The following ID2 variants were observed in gnomAD, a reference collection of about 807,000 sequenced individuals.
ID2 encodes the protein DNA-binding protein inhibitor ID-2.
ID2 carries 2 observed loss-of-function variants against 8.3 expected under a neutral mutation model. The ratio of observed to expected loss-of-function variants is 0.24; its 90% confidence interval spans 0.10 to 0.76. The LOEUF (loss-of-function observed/expected upper bound fraction) is 0.76, where lower values mean the gene tolerates loss of function less well. ID2 is among the 30% of genes least tolerant of loss of function. The pLI is 0.73. For missense variants in ID2, 155 were observed against 167.0 expected, an observed-to-expected ratio of 0.93 and a Z score of 0.40; for synonymous variants, 112 against 72.3, an observed-to-expected ratio of 1.55 and a Z score of -2.79.
In ID2 at chr2:8,682,255, C is replaced by A; in HGVS notation, c.90C>A (p.Asp30Glu). The change falls in exon 1 of 3, where the codon GAC (aspartate) becomes GAA (glutamate). Residue 30 changes from aspartate to glutamate, a missense_variant. By Grantham distance (45) the Asp-to-Glu change is conservative. Transcript: ENST00000396290. ...LGISRSKTPV[D>E]DPMSLLYNMN... ...TCTCCCGGAGCAAAACCCCTGTGGA[C>A]GACCCGATGAGCCTGCTATACAACA... 1 of 1,614,112 alleles carries A rather than the reference C, an allele frequency of 6.2e-7. No homozygotes were observed. The highest frequency in any genetic ancestry group is 1.7e-5 in the Admixed American group (1 of 60,030).
chr2:8,683,146 C>A, intron 2 of ID2: 1 of 556,136 alleles, frequency 1.8e-6, no homozygotes, highest in Non-Finnish European at 3.2e-6. Context: ...ACTACGAAGG[C>A]GGCCGAGGAA....
Position 8,682,162 on chromosome 2 carries a change from C to A in ID2, c.-4C>A, listed in dbSNP as rs751058126. 6.2e-7 allele frequency: 1 copy of A among 1,609,526 alleles called. No homozygotes were observed. Among genetic ancestry groups the A allele is most frequent in the South Asian group, 1.1e-5 (1 of 91,006 alleles). ...TCCCGGTCTCGCCTTCCCTCGCGGT[C>A]AGCATGAAAGCCTTCAGTCCCGTGA... On this transcript the variant is annotated 5_prime_UTR_variant, in exon 1 of 3. Transcript: ENST00000396290.
At position 8,682,154 on chromosome 2, in the gene ID2, C is replaced by T. The variant is rs371697958; in HGVS notation, c.-12C>T. ...CAGCTCCCTCCCGGTCTCGCCTTCC[C>T]TCGCGGTCAGCATGAAAGCCTTCAG... is the stretch of plus-strand genomic sequence containing the variant. On this transcript the variant is annotated 5_prime_UTR_variant, in exon 1 of 3. Coordinates refer to ENST00000396290, the MANE Select transcript of ID2 (RefSeq NM_002166.5). 53 of 1,607,944 alleles carry T rather than the reference C, an allele frequency of 3.3e-5. 1 individual carries two copies. In the Admixed American group the frequency reaches 5.5e-4, roughly 17 times the overall value.
At chr2:8,683,045 C>T (rs1206423979) in intron 2 of ID2, 139 bp downstream of exon 2, 22 of 713,412 alleles carry the variant, frequency 3.1e-5, no homozygotes, top group East Asian at 1.3e-4. Flanking sequence ...ACCCGTACTA[C>T]ATTGTCTCAC....
chr2:8,682,266 G>A lies in ID2; in HGVS notation c.101G>A (p.Ser34Asn), dbSNP rs1166109476. Residue 34 changes from serine to asparagine, a missense_variant, in exon 1 of 3, where the codon AGC (serine) becomes AAC (asparagine). By Grantham distance (46) the Ser-to-Asn change is conservative. This residue lies in a region of ID2 where 73 missense variants were observed against 72.2 expected (regional missense o/e 1.01). Coordinates refer to ENST00000396290, the MANE Select transcript of ID2 (RefSeq NM_002166.5). ...AAAACCCCTGTGGACGACCCGATGA[G>A]CCTGCTATACAACATGAACGACTGC... is the stretch of plus-strand genomic sequence containing the variant. ...RSKTPVDDPM[S>N]LLYNMNDCYS... is the part of the protein sequence containing the mutation. 3 of 1,614,154 alleles carry A rather than the reference G, an allele frequency of 1.9e-6. No individual in the cohort carries two copies. Among genetic ancestry groups the A allele is most frequent in the Non-Finnish European group, 2.5e-6 (3 of 1,180,036 alleles).
At chr2:8,682,762 CAAAAAAAAAAAAAA>C in intron 1 of ID2, 67 bp from the exon 2 acceptor site, 13 of 742,006 alleles carry the variant, frequency 1.8e-5, no homozygotes, top group South Asian at 3.2e-5. Flanking sequence ...CTGTGGACTA[CAAAAAAAAAAAAAA>C]AAAAAAAAAA....
Position 8,682,278 on chromosome 2 carries a change from A to C in ID2, c.113A>C (p.Asn38Thr). 1 of 1,614,140 alleles carries C rather than the reference A, an allele frequency of 6.2e-7. No individual in the cohort carries two copies. The highest frequency in any genetic ancestry group is 8.5e-7 in the Non-Finnish European group (1 of 1,180,012). The change falls in exon 1 of 3, where the codon AAC (asparagine) becomes ACC (threonine). Residue 38 changes from asparagine to threonine, a missense_variant. By Grantham distance (65) the Asn-to-Thr change is moderately conservative. This residue lies in a region of ID2 where 73 missense variants were observed against 72.2 expected (regional missense o/e 1.01). Transcript: ENST00000396290. Reference protein sequence around the residue: ...PVDDPMSLLYNMNDCYSKLKE... With the variant: ...PVDDPMSLLYTMNDCYSKLKE... ...GACGACCCGATGAGCCTGCTATACA[A>C]CATGAACGACTGCTACTCCAAGCTC...
rs562872744 is a variant in ID2 at position 8,682,071 on chromosome 2, C to T, written c.-95C>T. The T allele has an allele frequency of 9.2e-6, 9 of 977,808 alleles. No individual in the cohort carries two copies. The highest frequency in any genetic ancestry group is 3.0e-5 in the South Asian group (2 of 67,326). 60.6% of individuals were successfully genotyped at this position (977,808 alleles called of 1,614,324 possible). A position where few individuals can be genotyped will look rare whatever the true frequency, so the allele number is the denominator to read the frequency against. On this transcript the variant is annotated 5_prime_UTR_variant, in exon 1 of 3. Transcript: ENST00000396290. The stretch of plus-strand genomic sequence containing the variant: ...CTCGGGCTTCATTCTGAGCCGAGCC[C>T]GGTGCCAAGCGCAGCTAGCTCAGCA...
chr2:8,682,612 T>G, intron 1 of ID2, 99 bp downstream of exon 1: 1 of 865,818 alleles, frequency 1.2e-6, no homozygotes, highest in Non-Finnish European at 1.8e-6. Context: ...GACTTTCGTA[T>G]GAGCTATTTA....
At chr2:8,682,710 T>A (rs1307364083) in intron 1 of ID2, 133 bp from the exon 2 acceptor site, 2 of 776,092 alleles carry the variant, frequency 2.6e-6, no homozygotes, top group African/African-American at 3.5e-5. Flanking sequence ...TGTCTTTAAA[T>A]CTGAATTGTT....
intron 2 of ID2, among the ~76,000 whole-genome samples, chr2:8,683,479 G>A (rs1662152044): frequency 6.6e-6 from 1 of 152,204 alleles, no homozygotes; most frequent in African/African-American, 2.4e-5. Flanking sequence ...GGGTTGGGAA[G>A]TTTTTCCCTT....
Position 8,682,082 on chromosome 2 carries a change from G to C in ID2, c.-84G>C, listed in dbSNP as rs1207369472. The stretch of plus-strand genomic sequence containing the variant: ...TTCTGAGCCGAGCCCGGTGCCAAGC[G>C]CAGCTAGCTCAGCAGGCGGCAGCGG... On this transcript the variant is annotated 5_prime_UTR_variant, in exon 1 of 3. Transcript: ENST00000396290. The C allele has an allele frequency of 5.4e-6, 6 of 1,115,622 alleles. No individual in the cohort carries two copies. The highest frequency in any genetic ancestry group is 4.7e-5 in the East Asian group (2 of 42,208). The allele number at this position is 1,115,622 out of a possible 1,614,324, so 69.1% of individuals were successfully genotyped here. A position where few individuals can be genotyped will look rare whatever the true frequency, so the allele number is the denominator to read the frequency against.
chr2:8,682,651 A>G (rs983600475), intron 1 of ID2, 138 bp downstream of exon 1: 3 of 726,856 alleles, frequency 4.1e-6, no homozygotes, highest in Non-Finnish European at 6.8e-6. Flanking sequence ...TCTGCTGTAG[A>G]TTGAGCTGTG....
chr2:8,682,762 C>CAAAAA (rs373887089), intron 1 of ID2, 81 bp from the exon 2 acceptor site: 39 of 746,734 alleles, frequency 5.2e-5, no homozygotes, highest in South Asian at 8.1e-5. Context: ...CTGTGGACTA[C>CAAAAA]AAAAAAAAAA....
chr2:8,682,921 G>T lies in ID2; in HGVS notation c.*7+15G>T, dbSNP rs564886395. 21 of 1,608,512 alleles carry T rather than the reference G, an allele frequency of 1.3e-5. No homozygotes were observed. Among genetic ancestry groups the T allele is most frequent in the Non-Finnish European group, 1.7e-5 (20 of 1,174,890 alleles). On this transcript the variant is annotated intron_variant, in intron 2 of 2. Coordinates refer to ENST00000396290, the MANE Select transcript of ID2 (RefSeq NM_002166.5). The stretch of plus-strand genomic sequence containing the variant: ...CTGAATAAGCGGTGAGTGTTTGCTT[G>T]TGCCACCCGTGGGTAAACTGCCCCT...
intron 1 of ID2, 162 bp downstream of exon 1, chr2:8,682,675 G>T (rs983538102): frequency 2.7e-5 from 19 of 704,746 alleles, no homozygotes; most frequent in Non-Finnish European, 4.3e-5. Context: ...GAAATTGCTA[G>T]TAAGTTCTGA....
chr2:8,682,100 G>A lies in ID2; in HGVS notation c.-66G>A, dbSNP rs1662089739. 1 of 1,297,600 alleles carries A rather than the reference G, an allele frequency of 7.7e-7. No homozygotes were observed. Among genetic ancestry groups the A allele is most frequent in the Non-Finnish European group, 1.1e-6 (1 of 917,334 alleles). The allele number at this position is 1,297,600 out of a possible 1,614,324, so 80.4% of individuals were successfully genotyped here. On this transcript the variant is annotated 5_prime_UTR_variant, in exon 1 of 3. Transcript: ENST00000396290. ...GCCAAGCGCAGCTAGCTCAGCAGGC[G>A]GCAGCGGCGGCCTGAGCTTCAGGGC... is the stretch of plus-strand genomic sequence containing the variant.
At chr2:8,683,124 TG>T (rs1558273356) in intron 2 of ID2, 1 of 579,594 alleles carries the variant, frequency 1.7e-6, no homozygotes, top group Admixed American at 3.0e-5. Flanking sequence ...AAGGAAATGA[TG>T]CCAATAACTT....
In ID2 at chr2:8,682,204, C is replaced by T; in HGVS notation, c.39C>T (p.Asn13=). ...AFSPVRSVRK[N]SLSDHSLGIS... is the part of the protein sequence containing the mutation. Reference sequence around the variant, plus strand: ...GTCCCGTGAGGTCCGTTAGGAAAAACAGCCTGTCGGACCACAGCCTGGGCA... The same window carrying T: ...GTCCCGTGAGGTCCGTTAGGAAAAATAGCCTGTCGGACCACAGCCTGGGCA... The change falls in exon 1 of 3, where the codon AAC becomes AAT. Residue 13 remains asparagine, a synonymous_variant. Coordinates refer to ENST00000396290, the MANE Select transcript of ID2 (RefSeq NM_002166.5). The T allele has an allele frequency of 6.2e-7, 1 of 1,613,944 alleles. No individual in the cohort carries two copies. The highest frequency in any genetic ancestry group is 1.1e-5 in the South Asian group (1 of 91,084).
Sources: gnomAD v4.1 joint callset for allele counts (sites outside exome capture counted in the v4.1 genomes callset) on GRCh38, gnomAD v4.1.1 for gene constraint, gnomAD v4.1.1 regional missense constraint, MANE v1.5 for transcripts, NCBI Gene and HGNC (gene_info 2026-07-23, HGNC 2026-07-21) for gene names.